The following SLC38A11 variants were observed in gnomAD, a reference collection of about 807,000 sequenced individuals.
The protein encoded by SLC38A11 is solute carrier family 38 member 11, also known as putative sodium-coupled neutral amino acid transporter 11.
SLC38A11 carries 51 observed loss-of-function variants against 49.4 expected under a neutral mutation model. The ratio of observed to expected loss-of-function variants is 1.03; its 90% CI spans 0.83 to 1.30. The LOEUF is 1.30. SLC38A11 is among the 50% of genes most tolerant of loss of function. SLC38A11 has a pLI of 0.00. For missense variants in SLC38A11, 574 were observed against 556.2 expected, an observed-to-expected ratio of 1.03 and a Z score of -0.32; for synonymous variants, 203 against 192.9, an observed-to-expected ratio of 1.05 and a Z score of -0.43.
rs1321307499 is a variant in SLC38A11, at chr2:164,955,270, G to A, written c.-23C>T. 1 of 1,549,480 alleles carries A rather than the reference G, an allele frequency of 6.5e-7. No individual in the cohort carries two copies. Among genetic ancestry groups the A allele is most frequent in the Non-Finnish European group, 8.7e-7 (1 of 1,146,072 alleles). On this transcript the variant is annotated 5_prime_UTR_variant, in exon 1 of 12. Transcript: ENST00000685975. The stretch of plus-strand genomic sequence containing the variant: ...CATGGCTGAGCGGTGGTCCTCAGCA[G>A]GTGGAAGATGCTGGGGCTGGGTACG...
At chr2:164,939,322 A>G in intron 6 of SLC38A11, 128 bp downstream of exon 6, 1 of 546,070 alleles carries the variant, frequency 1.8e-6, no homozygotes, top group Non-Finnish European at 3.3e-6. Context: ...AGTTCACTCT[A>G]GCATCACCAT....
intron 7 of SLC38A11, among the ~76,000 whole-genome samples, chr2:164,927,692 C>T (rs1221726774): frequency 2.0e-5 from 3 of 152,116 alleles, no homozygotes; most frequent in East Asian, 1.9e-4. Context: ...TTTGACTCAA[C>T]TTATGCTTGT....
intron 7 of SLC38A11, among the ~76,000 whole-genome samples, chr2:164,931,244 A>C (rs1455448759): frequency 4.8e-5 from 7 of 145,046 alleles, no homozygotes; most frequent in Non-Finnish European, 9.1e-5. Flanking sequence ...TCCCCCACAA[A>C]AAAAAAAAAA....
rs142297772 is a variant in SLC38A11, at chr2:164,911,670, A to C, written c.929T>G (p.Leu310Trp). 102 of 1,606,804 alleles carry C rather than the reference A, an allele frequency of 6.3e-5. No homozygotes were observed. In the African/African-American group the frequency reaches 1.1e-3, roughly 17 times the overall value. ...GRFCYGVTVI[L>W]TYPMECFVTR... ...CACAAAGCATTCCATAGGGTATGTCAAAATGACAGTGACACCATAACAAAA... is the reference window on the plus strand; with the variant it reads ...CACAAAGCATTCCATAGGGTATGTCCAAATGACAGTGACACCATAACAAAA... Residue 310 changes from leucine to tryptophan, a missense_variant, in exon 10 of 12, where the codon TTG becomes TGG. Transcript: ENST00000685975.
chr2:164,905,900 A>G (rs969808567), intron 11 of SLC38A11, among the ~76,000 whole-genome samples: 1 of 152,158 alleles, frequency 6.6e-6, no homozygotes, highest in South Asian at 2.1e-4. Flanking sequence ...ATTATTCTTT[A>G]ATACCAGAAT....
chr2:164,944,000 G>T (rs984101207), intron 5 of SLC38A11, among the ~76,000 whole-genome samples: 4 of 152,066 alleles, frequency 2.6e-5, no homozygotes, highest in African/African-American at 9.7e-5. Flanking sequence ...GGGACCACAG[G>T]TGTAGGCACC....
intron 7 of SLC38A11, among the ~76,000 whole-genome samples, chr2:164,929,331 T>C (rs1415628816): frequency 6.6e-6 from 1 of 152,126 alleles, no homozygotes; most frequent in African/African-American, 2.4e-5. Flanking sequence ...GTGCTTTAGT[T>C]GGGTTCATCC....
At chr2:164,929,000 C>T (rs915687469) in intron 7 of SLC38A11, among the ~76,000 whole-genome samples, 1 of 151,970 alleles carries the variant, frequency 6.6e-6, no homozygotes, top group Non-Finnish European at 1.5e-5. Flanking sequence ...TCAATATATC[C>T]CATGATAAAG....
chr2:164,914,900 GGA>G (rs1685662452), intron 9 of SLC38A11, among the ~76,000 whole-genome samples: 1 of 151,924 alleles, frequency 6.6e-6, no homozygotes, highest in Non-Finnish European at 1.5e-5. Flanking sequence ...GTGTGTGGAA[GGA>G]GAGAGTATGG....
chr2:164,911,296 G>T (rs1170122017), intron 10 of SLC38A11, among the ~76,000 whole-genome samples: 1 of 152,020 alleles, frequency 6.6e-6, no homozygotes, highest in Non-Finnish European at 1.5e-5. Context: ...TAATTTCTTT[G>T]TAAGAATGCC....
chr2:164,914,698 A>G (rs1417302703), intron 9 of SLC38A11, among the ~76,000 whole-genome samples: 1 of 152,040 alleles, frequency 6.6e-6, no homozygotes, highest in South Asian at 2.1e-4. Flanking sequence ...CAATGATAAT[A>G]TAATAATACT....
At chr2:164,904,989 A>T (rs921061575) in intron 11 of SLC38A11, among the ~76,000 whole-genome samples, 1 of 152,166 alleles carries the variant, frequency 6.6e-6, no homozygotes, top group African/African-American at 2.4e-5. Context: ...ACCTCAGAGT[A>T]TTTAATCATG....
At chr2:164,907,836 G>A (rs958272480) in intron 11 of SLC38A11, 2 of 152,126 alleles carry the variant, frequency 1.3e-5, no homozygotes, top group African/African-American at 4.8e-5. Flanking sequence ...GAATTGATAT[G>A]GCTTATTCAC....
intron 7 of SLC38A11, among the ~76,000 whole-genome samples, chr2:164,932,118 CT>C (rs1358911409): frequency 6.6e-6 from 1 of 151,968 alleles, no homozygotes; most frequent in Non-Finnish European, 1.5e-5. Flanking sequence ...CATGAACACT[CT>C]TCAAAAGACG....
intron 9 of SLC38A11, 32 bp downstream of exon 9, chr2:164,915,080 C>T (rs1169212762): frequency 1.3e-6 from 2 of 1,577,160 alleles, no homozygotes; most frequent in African/African-American, 2.7e-5. Context: ...TACCAATGCA[C>T]ATGAACACTA....
At position 164,952,842 on chromosome 2, in the gene SLC38A11, T is replaced by TC. The variant is rs1241733559; in HGVS notation, c.155-62dup. The TC allele has an allele frequency of 5.5e-6, 7 of 1,269,656 alleles. 1 individual carries two copies. The East Asian group carries it at 1.6e-4, about 29-fold the overall frequency. The allele number at this position is 1,269,656 out of a possible 1,614,324, so 78.6% of individuals were successfully genotyped here. ...ACAAGAAAGCTAGAAACACAGAAAT[T>TC]CCCCCCTTCAATTTCTGCATATAAT... On this transcript the variant is annotated intron_variant, in intron 2 of 11. Transcript: ENST00000685975.
intron 10 of SLC38A11, among the ~76,000 whole-genome samples, chr2:164,910,257 A>C (rs1685305775): frequency 6.6e-6 from 1 of 152,118 alleles, no homozygotes; most frequent in South Asian, 2.1e-4. Flanking sequence ...TTCAAGTACT[A>C]AACACAGAAG....
chr2:164,925,688 A>G lies in SLC38A11; in HGVS notation c.618-9715T>C, dbSNP rs370149702. Among the ~76,000 whole-genome samples, 9 of 152,264 alleles carry G rather than the reference A, an allele frequency of 5.9e-5. No homozygotes were observed. In the South Asian group the frequency reaches 1.4e-3, roughly 25 times the overall value. On this transcript the variant is annotated intron_variant, in intron 7 of 11. Coordinates refer to ENST00000685975, the MANE Select transcript of SLC38A11 (RefSeq NM_001351537.2). ...CCTCTGTATGTCTCCCTAGCAGCGT[A>G]TTCATAATTCTATTAAATAGTCCAC...
chr2:164,946,722 A>G (rs1344970747), intron 3 of SLC38A11, among the ~76,000 whole-genome samples: 1 of 152,160 alleles, frequency 6.6e-6, no homozygotes, highest in Non-Finnish European at 1.5e-5. Flanking sequence ...TATTTGGTAC[A>G]CAGCTACACA....
Sources: allele counts gnomAD v4.1 joint callset (sites outside exome capture counted in the v4.1 genomes callset), GRCh38; gene constraint gnomAD v4.1.1; transcripts MANE v1.5; gene names NCBI Gene and HGNC (gene_info 2026-07-23, HGNC 2026-07-21).